ZNF615: variants seen among roughly 807,000 people sequenced by gnomAD.
ZNF615 encodes the protein zinc finger protein 615.
A neutral mutation model predicts 15.3 loss-of-function variants in ZNF615; 15 were observed. The ratio of observed to expected loss-of-function variants is 0.98; its 90% CI spans 0.66 to 1.51. The LOEUF (loss-of-function observed/expected upper bound fraction) is 1.51. Among genes scored for constraint, ZNF615 ranks in the 40% most tolerant of loss-of-function variants. The pLI is 0.00. For missense variants in ZNF615, 848 were observed against 895.9 expected (o/e 0.95, Z 0.68); for synonymous variants, 268 against 294.6 (o/e 0.91, Z 0.92).
rs2086728771 is a variant in ZNF615 at position 52,005,515 on chromosome 19, CAA to C, written c.-189-1617_-189-1616del. On this transcript the variant is annotated intron_variant, in intron 2 of 6. Coordinates refer to ENST00000598071, the MANE Select transcript of ZNF615 (RefSeq NM_001199324.2). ...GTTGTAGCTCAAAAATGCCCACATACAAAAAAATAGACAAATGATTGTGGCCA... is the reference window on the plus strand; with the variant it reads ...GTTGTAGCTCAAAAATGCCCACATACAAAAATAGACAAATGATTGTGGCCA... Among the ~76,000 whole-genome samples the C allele has an allele frequency of 2.0e-5, 3 of 152,110 alleles. No homozygotes were observed. The South Asian group carries it at 6.2e-4, about 32-fold the overall frequency.
chr19:51,993,196 T>C lies in ZNF615; in HGVS notation c.1913A>G (p.Asn638Ser). The change falls in exon 7 of 7, where the codon AAT becomes AGT. Residue 638 changes from asparagine to serine, a missense_variant. Physicochemically the swap from Asn to Ser is conservative, Grantham distance 46. Coordinates refer to ENST00000598071, the MANE Select transcript of ZNF615 (RefSeq NM_001199324.2). ...CTTCCTGAAGGTTTTATCACATTCA[T>C]TGCATTTGTATGGCTTCTCTCCAGT... ...THTGEKPYKC[N>S]ECDKTFRKKT... 6.2e-7 allele frequency: 1 copy of C among 1,614,238 alleles called. No homozygotes were observed. The highest frequency in any genetic ancestry group is 8.5e-7 in the Non-Finnish European group (1 of 1,180,036).
chr19:52,000,315 C>T (rs1043814124), intron 6 of ZNF615, 31 bp downstream of exon 6: 9 of 599,500 alleles, frequency 1.5e-5, no homozygotes, highest in Admixed American at 1.2e-4. Flanking sequence ...AGTGAATCCT[C>T]GGCATCAGGC....
rs1428539077 is a variant in ZNF615 at position 51,994,472 on chromosome 19, T to C, written c.637A>G (p.Asn213Asp). The C allele has an allele frequency of 1.2e-6, 2 of 1,614,186 alleles. No homozygotes were observed. The highest frequency in any genetic ancestry group is 1.1e-5 in the South Asian group (1 of 91,078). The change falls in exon 7 of 7, where the codon AAT becomes GAT. Residue 213 changes from asparagine to aspartate, a missense_variant. Coordinates refer to ENST00000598071, the MANE Select transcript of ZNF615 (RefSeq NM_001199324.2). ...CCACATTCACTGCATACATGGGCAT[T>C]CTCTATGTTGTGAGTTCTCTGTTGC... ...IKQQRTHNIE[N>D]AHVCSECGKA...
At position 52,002,219 on chromosome 19, in the gene ZNF615, G is replaced by C; in HGVS notation, c.78C>G (p.Ser26Arg). 3 of 1,614,170 alleles carry C rather than the reference G, an allele frequency of 1.9e-6. No homozygotes were observed. The highest frequency in any genetic ancestry group is 2.5e-6 in the Non-Finnish European group (3 of 1,180,036). Residue 26 changes from serine (S) to arginine (R), a missense_variant, in exon 4 of 7, where the codon AGC (serine) becomes AGG (arginine). Ser to Arg is a moderately radical substitution (Grantham distance 110). Coordinates refer to ENST00000598071, the MANE Select transcript of ZNF615 (RefSeq NM_001199324.2). ...DFTWEEWQFLSPAQKDLYRDV... is the reference protein window; with the variant it reads ...DFTWEEWQFLRPAQKDLYRDV... ...CCCGGTACAGGTCCTTCTGAGCAGG[G>C]CTCAGGAACTGCCACTCCTCCCAGG...
intron 3 of ZNF615, among the ~76,000 whole-genome samples, chr19:52,002,775 C>T (rs1024132624): frequency 3.3e-5 from 5 of 151,186 alleles, no homozygotes; most frequent in African/African-American, 1.2e-4. Context: ...CTATATAAAA[C>T]ATGTATAAAG....
In ZNF615 at chr19:51,992,821, T is replaced by TA; in HGVS notation, c.*58dup. ...ACCATGTAGTCTGCATTCATGAAAT[T>TA]ACTCTTCTTTGCAGATATCTTAAGG... On this transcript the variant is annotated 3_prime_UTR_variant, in exon 7 of 7. Coordinates refer to ENST00000598071, the MANE Select transcript of ZNF615 (RefSeq NM_001199324.2). 1 of 1,553,984 alleles carries TA rather than the reference T, an allele frequency of 6.4e-7. No homozygotes were observed. Among genetic ancestry groups the TA allele is most frequent in the South Asian group, 1.2e-5 (1 of 83,404 alleles).
rs769610550 is a variant in ZNF615 at position 52,001,905 on chromosome 19, T to C, written c.146A>G (p.Tyr49Cys). 4 of 1,614,140 alleles carry C rather than the reference T, an allele frequency of 2.5e-6. No individual in the cohort carries two copies. The highest frequency in any genetic ancestry group is 1.3e-5 in the African/African-American group (1 of 75,036). Reference protein sequence around the residue: ...ENYSNLVAVGYQASKPDALSK... With the variant: ...ENYSNLVAVGCQASKPDALSK... ...GAGTGCATCTGGTTTGCTGGCTTGA[T>C]ACCCTGTTCATGGGAAATGACAGAA... Residue 49 changes from tyrosine to cysteine, a missense_variant, in exon 5 of 7, where the codon TAT becomes TGT. Tyr to Cys is a radical substitution (Grantham distance 194). Transcript: ENST00000598071.
intron 4 of ZNF615, 114 bp downstream of exon 4, chr19:52,002,041 G>A (rs1412008537): frequency 6.2e-7 from 1 of 1,603,130 alleles, no homozygotes; most frequent in Non-Finnish European, 8.5e-7. Context: ...TCTCTTGTGT[G>A]GGGCAAGAGA....
chr19:51,996,876 A>C (rs1187945889), intron 6 of ZNF615, among the ~76,000 whole-genome samples: 3 of 152,214 alleles, frequency 2.0e-5, no homozygotes, highest in Non-Finnish European at 2.9e-5. Context: ...AAATTGCTAA[A>C]ATAGATTTTA....
At position 51,992,212 on chromosome 19, in the gene ZNF615, G is replaced by A. The variant is rs1203549565; in HGVS notation, c.*668C>T. Reference sequence around the variant, plus strand: ...TATATACAATATTAAATTTTAGTTCGTGATTAGAGGAAGTCACAATTTAAA... The same window carrying A: ...TATATACAATATTAAATTTTAGTTCATGATTAGAGGAAGTCACAATTTAAA... On this transcript the variant is annotated 3_prime_UTR_variant, in exon 7 of 7. Coordinates refer to ENST00000598071, the MANE Select transcript of ZNF615 (RefSeq NM_001199324.2). 8 of 152,108 alleles carry A rather than the reference G, an allele frequency of 5.3e-5. No homozygotes were observed. Among genetic ancestry groups the A allele is most frequent in the East Asian group, 1.9e-4 (1 of 5,194 alleles). The allele number at this position is 152,108 out of a possible 1,614,324, so 9.4% of individuals were successfully genotyped here.
At chr19:52,003,571 T>C (rs1182034042) in intron 3 of ZNF615, 126 bp downstream of exon 3, 10 of 844,738 alleles carry the variant, frequency 1.2e-5, no homozygotes, top group Non-Finnish European at 1.9e-5. Context: ...TGATCCTTCT[T>C]TGCCCAGATT....
At chr19:51,997,427 C>T (rs1310268251) in intron 6 of ZNF615, among the ~76,000 whole-genome samples, 1 of 152,186 alleles carries the variant, frequency 6.6e-6, no homozygotes, top group Non-Finnish European at 1.5e-5. Context: ...CTATGTACCA[C>T]CATTAAACTA....
Position 52,003,116 on chromosome 19 carries a change from A to G in ZNF615, c.15+581T>C, listed in dbSNP as rs10153457. Reference sequence around the variant, plus strand: ...TGCTGGGATTACAGGTGTGAGCCACAGCGCCTGGCCATGATTAAGCAAATT... The same window carrying G: ...TGCTGGGATTACAGGTGTGAGCCACGGCGCCTGGCCATGATTAAGCAAATT... On this transcript the variant is annotated intron_variant, in intron 3 of 6. Coordinates refer to ENST00000598071, the MANE Select transcript of ZNF615 (RefSeq NM_001199324.2). Among the ~76,000 whole-genome samples, 499 of 150,626 alleles carry G rather than the reference A, an allele frequency of 3.3e-3. 4 individuals carry two copies. Among genetic ancestry groups the G allele is most frequent in the African/African-American group, 0.011 (432 of 40,536 alleles).
chr19:52,007,999 A>C (rs1009675940), intron 1 of ZNF615, 142 bp downstream of exon 1: 6 of 728,156 alleles, frequency 8.2e-6, no homozygotes, highest in Non-Finnish European at 1.1e-5. Context: ...ACCCACGCTA[A>C]GCTCCTGAAA....
intron 1 of ZNF615, chr19:52,007,933 A>C (rs73052067): frequency 0.13 from 56,811 of 442,202 alleles, 3,753 homozygotes; most frequent in South Asian, 0.29. Flanking sequence ...TACCCCGATC[A>C]CACACACACA....
chr19:52,007,198 A>T, intron 2 of ZNF615, 95 bp downstream of exon 2: 2 of 647,286 alleles, frequency 3.1e-6, no homozygotes, highest in Non-Finnish European at 4.7e-6. Context: ...TACATAATTT[A>T]TCTGAATTAT....
chr19:52,005,255 T>G (rs1600018678), intron 2 of ZNF615, among the ~76,000 whole-genome samples: 1 of 144,516 alleles, frequency 6.9e-6, no homozygotes, highest in African/African-American at 2.6e-5. Flanking sequence ...TGAGATTCTA[T>G]CTCAAAACAA....
Position 51,995,215 on chromosome 19 carries a change from A to C in ZNF615, c.272-378T>G, listed in dbSNP as rs2086383810. 1.3e-5 allele frequency among the ~76,000 whole-genome samples: 2 copies of C among 152,316 alleles called. 1 individual carries two copies. The highest frequency in any genetic ancestry group is 4.1e-4 in the South Asian group (2 of 4,832). On this transcript the variant is annotated intron_variant, in intron 6 of 6. Coordinates refer to ENST00000598071, the MANE Select transcript of ZNF615 (RefSeq NM_001199324.2). The stretch of plus-strand genomic sequence containing the variant: ...ATCTCTTACACATAAAGGAAATTCC[A>C]TGTATAAATATCCTTCATTTCTTAC...
At chr19:52,003,278 C>T (rs1478232605) in intron 3 of ZNF615, among the ~76,000 whole-genome samples, 1 of 152,182 alleles carries the variant, frequency 6.6e-6, no homozygotes, top group African/African-American at 2.4e-5. Flanking sequence ...TCTACTTTTG[C>T]ATTTATGAGA....
Sources: allele counts gnomAD v4.1 joint callset (sites outside exome capture counted in the v4.1 genomes callset), GRCh38; gene constraint gnomAD v4.1.1; transcripts MANE v1.5; gene names NCBI Gene and HGNC (gene_info 2026-07-23, HGNC 2026-07-21).